The following PDE1A variants were observed in gnomAD, a reference collection of about 807,000 sequenced individuals.
PDE1A encodes dual specificity calcium/calmodulin-dependent 3',5'-cyclic nucleotide phosphodiesterase 1A.
A neutral mutation model predicts 61.7 loss-of-function variants in PDE1A; 35 were observed. The ratio of observed to expected loss-of-function variants is 0.57; its 90% CI spans 0.43 to 0.75. PDE1A has a LOEUF of 0.75. Ranked by LOEUF, PDE1A falls within the 30% of genes least tolerant of loss-of-function variation. The pLI, the probability that PDE1A is intolerant of heterozygous loss-of-function variation, is 0.00. For missense variants in PDE1A, 597 were observed against 630.6 expected (o/e 0.95, Z 0.57); for synonymous variants, 232 against 213.2 (o/e 1.09, Z -0.77).
At chr2:182,708,997 C>T in the PDE1A span, among the ~76,000 whole-genome samples, 1 of 152,034 alleles carries the variant, frequency 6.6e-6, no homozygotes, top group African/African-American at 2.4e-5. Context: ...AAAACAGGAA[C>T]CACAGATTAT....
chr2:182,281,860 TAG>T (rs1693830877), intron 1 of PDE1A, among the ~76,000 whole-genome samples: 1 of 151,932 alleles, frequency 6.6e-6, no homozygotes. Flanking sequence ...CTAAATGTCT[TAG>T]AGTTTAATAT....
intron 7 of PDE1A, among the ~76,000 whole-genome samples, chr2:182,221,027 T>C (rs1302382629): frequency 6.6e-6 from 1 of 151,944 alleles, no homozygotes; most frequent in South Asian, 2.1e-4. Flanking sequence ...TTTTAAAATA[T>C]AAATTGAAAA....
the PDE1A span, among the ~76,000 whole-genome samples, chr2:182,561,868 C>T: frequency 1.3e-5 from 2 of 151,668 alleles, no homozygotes; most frequent in East Asian, 1.9e-4. Flanking sequence ...GTCTGTTATT[C>T]GTGTATAAGA....
chr2:182,505,766 C>G (rs1178015618), intron 2 of PDE1A, among the ~76,000 whole-genome samples: 6 of 152,166 alleles, frequency 3.9e-5, no homozygotes, highest in African/African-American at 9.7e-5. Context: ...CTAAAACAAG[C>G]TGCATGGCCA....
the PDE1A span, among the ~76,000 whole-genome samples, chr2:182,697,138 T>G: frequency 0.084 from 12,852 of 152,198 alleles, 845 homozygotes; most frequent in African/African-American, 0.18. Context: ...CATTACCATC[T>G]TTTAAGTGAT....
chr2:182,609,221 G>T, the PDE1A span, among the ~76,000 whole-genome samples: 5 of 152,296 alleles, frequency 3.3e-5, no homozygotes, highest in Admixed American at 2.6e-4. Flanking sequence ...CTAGCCCAGG[G>T]ATTGTAAAGG....
upstream of PDE1A, among the ~76,000 whole-genome samples, chr2:182,527,327 AATATATATATATATATAT>A (rs201755672): frequency 0.016 from 324 of 20,720 alleles, 39 homozygotes; most frequent in East Asian, 0.039. Context: ...AAAAAAAAAA[AATATATATATATATATAT>A]ATATATATAT....
At chr2:182,653,439 C>A in the PDE1A span, among the ~76,000 whole-genome samples, 1 of 152,070 alleles carries the variant, frequency 6.6e-6, no homozygotes, top group Non-Finnish European at 1.5e-5. Context: ...GTGGCAGGAC[C>A]AGAAAACTAT....
chr2:182,649,023 G>A, the PDE1A span, among the ~76,000 whole-genome samples: 8 of 152,284 alleles, frequency 5.3e-5, no homozygotes, highest in South Asian at 1.7e-3. Flanking sequence ...ACACAGCAAT[G>A]GGAATGTAGA....
the PDE1A span, among the ~76,000 whole-genome samples, chr2:182,625,684 GA>G: frequency 2.0e-5 from 3 of 152,148 alleles, no homozygotes; most frequent in African/African-American, 7.2e-5. Flanking sequence ...AGAAAAATGT[GA>G]AAATTTGAGT....
intron 2 of PDE1A, among the ~76,000 whole-genome samples, chr2:182,259,916 G>A (rs1692104576): frequency 6.6e-6 from 1 of 152,114 alleles, no homozygotes; most frequent in Non-Finnish European, 1.5e-5. Flanking sequence ...AACTTTGTAA[G>A]TTTGAAAAAC....
chr2:182,325,717 T>C (rs112675720), intron 1 of PDE1A, among the ~76,000 whole-genome samples: 1,693 of 152,108 alleles, frequency 0.011, 24 homozygotes, highest in South Asian at 0.069. Context: ...CAGGTGTTCG[T>C]AACCAGCTTG....
At chr2:182,601,220 C>T in the PDE1A span, among the ~76,000 whole-genome samples, 2 of 152,136 alleles carry the variant, frequency 1.3e-5, no homozygotes, top group Non-Finnish European at 1.5e-5. Flanking sequence ...GTGTAGGGTC[C>T]GGCCACTGCA....
At chr2:182,271,525 A>T (rs1693025061) in intron 1 of PDE1A, among the ~76,000 whole-genome samples, 1 of 152,152 alleles carries the variant, frequency 6.6e-6, no homozygotes, top group Admixed American at 6.6e-5. Context: ...GACATTATGT[A>T]ATTTCCAGTT....
the PDE1A span, among the ~76,000 whole-genome samples, chr2:182,715,119 A>C: frequency 1.2e-4 from 18 of 152,156 alleles, no homozygotes; most frequent in African/African-American, 3.6e-4. Context: ...ATTTTGTTAC[A>C]GTGTGTAACA....
chr2:182,326,672 A>G (rs1697067444), intron 1 of PDE1A, among the ~76,000 whole-genome samples: 1 of 152,204 alleles, frequency 6.6e-6, no homozygotes, highest in Non-Finnish European at 1.5e-5. Context: ...AATTAATACT[A>G]CAGAATGGTA....
At chr2:182,266,059 GA>G (rs1290434772) in intron 1 of PDE1A, among the ~76,000 whole-genome samples, 2 of 151,504 alleles carry the variant, frequency 1.3e-5, no homozygotes, top group African/African-American at 2.4e-5. Context: ...TTCTCTATGG[GA>G]AAAAAAAGAC....
In PDE1A at chr2:182,256,863, T is replaced by G. The variant is rs1691858154; in HGVS notation, c.167+7438A>C. Among the ~76,000 whole-genome samples the G allele has an allele frequency of 1.3e-5, 2 of 152,178 alleles. 1 individual carries two copies. The highest frequency in any genetic ancestry group is 4.1e-4 in the South Asian group (2 of 4,824). On this transcript the variant is annotated intron_variant, in intron 2 of 13. Transcript: ENST00000351439. ...GTATATGTCCAAATCAGTAGATTGGTCTATCTCTGTTTTTTGTACTCGAGC... is the reference window on the plus strand; with the variant it reads ...GTATATGTCCAAATCAGTAGATTGGGCTATCTCTGTTTTTTGTACTCGAGC...
the PDE1A span, among the ~76,000 whole-genome samples, chr2:182,614,628 G>A: frequency 1.4e-5 from 2 of 145,910 alleles, no homozygotes; most frequent in Admixed American, 7.1e-5. Flanking sequence ...TGCAATCTCA[G>A]CTCACTGCAG....
Sources: allele counts gnomAD v4.1 joint callset (sites outside exome capture counted in the v4.1 genomes callset), GRCh38; gene constraint gnomAD v4.1.1; transcripts MANE v1.5; gene names NCBI Gene and HGNC (gene_info 2026-07-23, HGNC 2026-07-21).